Variants in PPIP5K2 observed in about 807,000 individuals in gnomAD.
The protein encoded by PPIP5K2 is diphosphoinositol pentakisphosphate kinase 2, also known as inositol hexakisphosphate and diphosphoinositol-pentakisphosphate kinase 2.
Under a neutral mutation model 154.6 loss-of-function variants are expected in PPIP5K2, and 105 were observed. The observed-to-expected ratio is 0.68, with a 90% CI of 0.58 to 0.80. PPIP5K2 has a LOEUF of 0.80. Ranked by LOEUF, PPIP5K2 falls within the 30% of genes least tolerant of loss-of-function variation. The probability of loss-of-function intolerance (pLI) is 0.00; values close to 1 mark genes in which losing one functional copy is unlikely to be tolerated. For synonymous variants in PPIP5K2, 480 were observed against 490.3 expected (o/e 0.98, Z 0.28); for missense variants, 992 against 1,504.6 (o/e 0.66, Z 5.64).
chr5:103,145,360 T>C (rs1461330395), intron 5 of PPIP5K2, among the ~76,000 whole-genome samples: 2 of 152,032 alleles, frequency 1.3e-5, no homozygotes, highest in African/African-American at 4.8e-5. Context: ...AAACTAAAAA[T>C]AGAGCTACCA....
intron 5 of PPIP5K2, among the ~76,000 whole-genome samples, chr5:103,139,894 A>G (rs976644991): frequency 2.0e-5 from 3 of 152,190 alleles, no homozygotes; most frequent in Admixed American, 1.3e-4. Flanking sequence ...ACTGAAATAT[A>G]TATCAAAGCC....
rs782473167 is a variant in PPIP5K2 at position 103,149,282 on chromosome 5, T to A, written c.875T>A (p.Leu292Ter). ...YPVILNAREK[L>*]IAWKVCLAFK... Reference sequence around the variant, plus strand: ...GTTATTCTCAATGCACGAGAGAAATTAATTGCTTGGAAAGTCTGCCTTGCT... The same window carrying A: ...GTTATTCTCAATGCACGAGAGAAATAAATTGCTTGGAAAGTCTGCCTTGCT... Residue 292 changes from leucine (L) to a stop codon, truncating the protein, a stop_gained, in exon 8 of 31, where the codon TTA becomes TAA. Transcript: ENST00000358359. LOFTEE classifies it high-confidence loss of function. The A allele has an allele frequency of 1.9e-6, 3 of 1,613,584 alleles. No individual in the cohort carries two copies. Among genetic ancestry groups the A allele is most frequent in the Non-Finnish European group, 2.5e-6 (3 of 1,179,678 alleles).
chr5:103,120,627 G>C, intron 1 of PPIP5K2, 139 bp downstream of exon 1: 1 of 388,304 alleles, frequency 2.6e-6, no homozygotes, highest in South Asian at 1.8e-5. Flanking sequence ...TTGTGCTGGA[G>C]AGAATGACAG....
Position 103,204,632 on chromosome 5 carries a change from C to T in PPIP5K2, c.*2998C>T, listed in dbSNP as rs1803401473. On this transcript the variant is annotated 3_prime_UTR_variant, in exon 31 of 31. Coordinates refer to ENST00000358359, the MANE Select transcript of PPIP5K2 (RefSeq NM_001276277.3). ...GCTCATGGGAATAATTTTTACACTC[C>T]TTCAGAAGGAGTCATTTGTGATTGG... The T allele has an allele frequency of 6.6e-6, 1 of 152,126 alleles. No homozygotes were observed. Among genetic ancestry groups the T allele is most frequent in the Non-Finnish European group, 1.5e-5 (1 of 68,010 alleles). 9.4% of individuals were successfully genotyped at this position (152,126 alleles called of 1,614,324 possible). A position where few individuals can be genotyped will look rare whatever the true frequency, so the allele number is the denominator to read the frequency against.
At chr5:103,156,829 A>C (rs1795489517) in intron 14 of PPIP5K2, among the ~76,000 whole-genome samples, 1 of 152,178 alleles carries the variant, frequency 6.6e-6, no homozygotes, top group African/African-American at 2.4e-5. Context: ...GGGAAAGATT[A>C]TCTATAGGGA....
At chr5:103,125,535 CCT>C (rs1789520225) in intron 1 of PPIP5K2, among the ~76,000 whole-genome samples, 1 of 151,704 alleles carries the variant, frequency 6.6e-6, no homozygotes, top group Admixed American at 6.6e-5. Flanking sequence ...AGAAAGGCTT[CCT>C]TCACTTTATG....
chr5:103,195,287 T>C (rs1801914754), intron 30 of PPIP5K2, among the ~76,000 whole-genome samples: 1 of 152,152 alleles, frequency 6.6e-6, no homozygotes, highest in Admixed American at 6.6e-5. Context: ...GACTGTCTTC[T>C]TTTGCCTTTC....
intron 9 of PPIP5K2, 21 bp downstream of exon 9, chr5:103,151,395 CT>C: frequency 6.4e-7 from 1 of 1,556,568 alleles, no homozygotes. Context: ...TTAAATTTTT[CT>C]TTTTACCTTC....
chr5:103,136,910 T>C, intron 4 of PPIP5K2, 88 bp downstream of exon 4: 1 of 911,816 alleles, frequency 1.1e-6, no homozygotes, highest in Non-Finnish European at 1.8e-6. Context: ...CAGGTGTTTT[T>C]GCATTATTAA....
intron 21 of PPIP5K2, among the ~76,000 whole-genome samples, chr5:103,176,144 G>T (rs1798668794): frequency 6.6e-6 from 1 of 151,884 alleles, no homozygotes; most frequent in African/African-American, 2.4e-5. Context: ...AATTTAAAAA[G>T]ATATTTTTGT....
At position 103,208,016 on chromosome 5, in the gene PPIP5K2, T is replaced by G. The variant is rs394586; in HGVS notation, c.*6382T>G. 1.4e-5 allele frequency: 2 copies of G among 142,462 alleles called. No homozygotes were observed. The highest frequency in any genetic ancestry group is 3.2e-5 in the Non-Finnish European group (2 of 62,414). The allele number at this position is 142,462 out of a possible 1,614,324, so 8.8% of individuals were successfully genotyped here. A position where few individuals can be genotyped will look rare whatever the true frequency, so the allele number is the denominator to read the frequency against. ...CATCTATTTGATACAATTTCTTTTT[T>G]GTTTGTTTTTGTTTTGTTTTTGTTG... is the stretch of plus-strand genomic sequence containing the variant. On this transcript the variant is annotated 3_prime_UTR_variant, in exon 31 of 31. Transcript: ENST00000358359.
chr5:103,138,321 C>A, intron 4 of PPIP5K2, 63 bp from the exon 5 acceptor site: 2 of 959,040 alleles, frequency 2.1e-6, no homozygotes, highest in Admixed American at 2.6e-5. Context: ...AAGAAAACTA[C>A]AATAATATAT....
Position 103,209,686 on chromosome 5 carries a change from C to G in PPIP5K2, c.*8052C>G, listed in dbSNP as rs527506080. On this transcript the variant is annotated 3_prime_UTR_variant, in exon 31 of 31. Transcript: ENST00000358359. ...GAAAGTTTTTTGCTGCTTTTAAAAG[C>G]CATAGATTTGTCTTAAGTTAGTCAA... 1 of 151,672 alleles carries G rather than the reference C, an allele frequency of 6.6e-6. No homozygotes were observed. The highest frequency in any genetic ancestry group is 2.1e-4 in the South Asian group (1 of 4,810). The allele number at this position is 151,672 out of a possible 1,614,324, so 9.4% of individuals were successfully genotyped here.
At chr5:103,146,410 A>G in intron 5 of PPIP5K2, 117 bp from the exon 6 acceptor site, 1 of 1,030,282 alleles carries the variant, frequency 9.7e-7, no homozygotes, top group Admixed American at 2.9e-5. Context: ...TCAAGTAAGT[A>G]CATTATCCAA....
chr5:103,166,348 C>G (rs150442149), intron 17 of PPIP5K2, among the ~76,000 whole-genome samples: 115 of 152,128 alleles, frequency 7.6e-4, no homozygotes, highest in African/African-American at 2.7e-3. Flanking sequence ...TTATTCCTCT[C>G]AGACAAGGGC....
intron 24 of PPIP5K2, 33 bp downstream of exon 24, chr5:103,180,221 C>T (rs782440690): frequency 2.7e-6 from 4 of 1,472,068 alleles, no homozygotes; most frequent in Non-Finnish European, 3.6e-6. Context: ...ATTTTTCATA[C>T]AGTAAACTAA....
chr5:103,180,315 CTA>C (rs1799316374), intron 24 of PPIP5K2, 127 bp downstream of exon 24: 1 of 696,480 alleles, frequency 1.4e-6, no homozygotes, highest in African/African-American at 1.9e-5. Flanking sequence ...GTTATTTAAT[CTA>C]TTTTTAAATA....
chr5:103,204,169 T>A lies in PPIP5K2; in HGVS notation c.*2535T>A, dbSNP rs1209095774. 5 of 152,202 alleles carry A rather than the reference T, an allele frequency of 3.3e-5. No individual in the cohort carries two copies. The highest frequency in any genetic ancestry group is 7.3e-5 in the Non-Finnish European group (5 of 68,044). The allele number at this position is 152,202 out of a possible 1,614,324, so 9.4% of individuals were successfully genotyped here. A position where few individuals can be genotyped will look rare whatever the true frequency, so the allele number is the denominator to read the frequency against. On this transcript the variant is annotated 3_prime_UTR_variant, in exon 31 of 31. Coordinates refer to ENST00000358359, the MANE Select transcript of PPIP5K2 (RefSeq NM_001276277.3). ...CCACTGTTAACTAGTGCCATGCCAG[T>A]TTGAACCAAGATTTCACATTTTTGT...
intron 2 of PPIP5K2, among the ~76,000 whole-genome samples, chr5:103,133,202 T>C (rs1014440798): frequency 6.6e-6 from 1 of 152,236 alleles, no homozygotes; most frequent in Non-Finnish European, 1.5e-5. Flanking sequence ...TGAAATTTCA[T>C]TGAAAATAGC....
Sources: gnomAD v4.1 joint callset for allele counts (sites outside exome capture counted in the v4.1 genomes callset) on GRCh38, gnomAD v4.1.1 for gene constraint, MANE v1.5 for transcripts, NCBI Gene and HGNC (gene_info 2026-07-23, HGNC 2026-07-21) for gene names.